Variants in ASPRV1 observed in about 807,000 individuals in gnomAD.
The protein encoded by ASPRV1 is retroviral-like aspartic protease 1.
Under a neutral mutation model 11.0 loss-of-function variants are expected in ASPRV1, and 7 were observed. The ratio of observed to expected loss-of-function variants is 0.64; its 90% CI spans 0.36 to 1.20. ASPRV1 has a LOEUF of 1.20. ASPRV1 is among the 50% of genes most tolerant of loss of function. The pLI is 0.02. For missense variants in ASPRV1, 299 were observed against 320.0 expected, an observed-to-expected ratio of 0.93 and a Z score of 0.50; for synonymous variants, 136 against 138.4, an observed-to-expected ratio of 0.98 and a Z score of 0.12.
chr2:69,949,848 C>T, the ASPRV1 span, among the ~76,000 whole-genome samples: 2 of 152,208 alleles, frequency 1.3e-5, no homozygotes, highest in South Asian at 2.1e-4. Flanking sequence ...CAGAGTCTCA[C>T]TCTTTCGTCC....
At chr2:69,967,169 C>T in the ASPRV1 span, among the ~76,000 whole-genome samples, 1 of 152,326 alleles carries the variant, frequency 6.6e-6, no homozygotes, top group Admixed American at 6.5e-5. Flanking sequence ...GAGGCCAACA[C>T]CGCCTCACTT....
At chr2:69,947,574 AT>A in the ASPRV1 span, among the ~76,000 whole-genome samples, 1 of 152,054 alleles carries the variant, frequency 6.6e-6, no homozygotes, top group Non-Finnish European at 1.5e-5. Flanking sequence ...CTATTTTAGT[AT>A]TTGTAATTTT....
chr2:70,035,082 G>C, the ASPRV1 span: 1 of 152,276 alleles, frequency 6.6e-6, no homozygotes, highest in Non-Finnish European at 1.5e-5. Context: ...TGCCAGAGAA[G>C]TTCCGGATTT....
chr2:70,009,224 C>T, the ASPRV1 span, among the ~76,000 whole-genome samples: 1 of 152,058 alleles, frequency 6.6e-6, no homozygotes, highest in Non-Finnish European at 1.5e-5. Context: ...GCAAGAAGAG[C>T]ATTTATATAC....
the ASPRV1 span, among the ~76,000 whole-genome samples, chr2:70,058,551 ATTTTT>A: frequency 2.9e-5 from 4 of 138,712 alleles, no homozygotes; most frequent in African/African-American, 1.1e-4. Flanking sequence ...CTCTGAAGAA[ATTTTT>A]TTTTTTTTTT....
At chr2:69,974,527 G>A in the ASPRV1 span, among the ~76,000 whole-genome samples, 2 of 152,180 alleles carry the variant, frequency 1.3e-5, no homozygotes, top group Admixed American at 6.5e-5. Context: ...GGTATGATCT[G>A]AGCACACCTG....
the ASPRV1 span, chr2:70,087,062 G>T: frequency 2.2e-5 from 3 of 135,494 alleles, no homozygotes; most frequent in Non-Finnish European, 4.6e-5. Flanking sequence ...TCGCGCACGC[G>T]CTCTGGTCAC....
chr2:69,944,372 A>T, the ASPRV1 span, among the ~76,000 whole-genome samples: 1 of 152,236 alleles, frequency 6.6e-6, no homozygotes, highest in African/African-American at 2.4e-5. Flanking sequence ...GGGTCAGCCC[A>T]CATTTACTGA....
downstream of ASPRV1, among the ~76,000 whole-genome samples, chr2:69,955,499 G>A (rs1028619676): frequency 6.6e-6 from 1 of 152,212 alleles, no homozygotes; most frequent in African/African-American, 2.4e-5. Context: ...ATGAGTGGGC[G>A]CTCCTAAGCT....
At chr2:69,938,340 G>A in the ASPRV1 span, 1 of 1,571,752 alleles carries the variant, frequency 6.4e-7, no homozygotes, top group Non-Finnish European at 8.7e-7. Flanking sequence ...TTCTGATTAG[G>A]TAACGTATTG....
chr2:70,066,687 T>G, the ASPRV1 span, among the ~76,000 whole-genome samples: 1 of 152,128 alleles, frequency 6.6e-6, no homozygotes, highest in South Asian at 2.1e-4. Context: ...AGCTTCAACC[T>G]CCCAAGCTCA....
downstream of ASPRV1, among the ~76,000 whole-genome samples, chr2:69,955,833 G>A (rs915427216): frequency 6.6e-6 from 1 of 152,178 alleles, no homozygotes; most frequent in African/African-American, 2.4e-5. Flanking sequence ...ACTCATAATA[G>A]AGAGAGGGAG....
At chr2:69,950,976 GA>G in the ASPRV1 span, among the ~76,000 whole-genome samples, 2 of 151,350 alleles carry the variant, frequency 1.3e-5, no homozygotes, top group South Asian at 4.2e-4. Flanking sequence ...TTGTTAAAAG[GA>G]AAGAAAGAAA....
At chr2:70,000,225 G>A in the ASPRV1 span, among the ~76,000 whole-genome samples, 1 of 150,792 alleles carries the variant, frequency 6.6e-6, no homozygotes, top group Admixed American at 6.6e-5. Context: ...GCTCACACCT[G>A]TAATCCCAGC....
chr2:70,022,709 A>T, the ASPRV1 span, among the ~76,000 whole-genome samples: 2 of 151,970 alleles, frequency 1.3e-5, no homozygotes, highest in African/African-American at 2.4e-5. Flanking sequence ...TAACACAAGC[A>T]AATTTTTGGA....
chr2:69,945,110 CG>C, the ASPRV1 span, among the ~76,000 whole-genome samples: 1 of 152,066 alleles, frequency 6.6e-6, no homozygotes, highest in Admixed American at 6.5e-5. Context: ...ATAAAGGACA[CG>C]TAGGCCTGTC....
At chr2:70,052,101 A>C in the ASPRV1 span, among the ~76,000 whole-genome samples, 6 of 152,306 alleles carry the variant, frequency 3.9e-5, no homozygotes, top group Admixed American at 2.0e-4. Context: ...AATGGAGGGA[A>C]GTTAGGCAAT....
At chr2:70,023,229 A>G in the ASPRV1 span, among the ~76,000 whole-genome samples, 1 of 152,198 alleles carries the variant, frequency 6.6e-6, no homozygotes, top group African/African-American at 2.4e-5. Flanking sequence ...CGAGGGCCTG[A>G]GCAGGAGTTC....
chr2:70,055,171 C>T, the ASPRV1 span, among the ~76,000 whole-genome samples: 7 of 152,078 alleles, frequency 4.6e-5, no homozygotes, highest in African/African-American at 1.2e-4. Flanking sequence ...GGCGTGGTGG[C>T]GCACGCCTGT....
Sources: gnomAD v4.1 joint callset for allele counts (sites outside exome capture counted in the v4.1 genomes callset) on GRCh38, gnomAD v4.1.1 for gene constraint, MANE v1.5 for transcripts, NCBI Gene and HGNC (gene_info 2026-07-23, HGNC 2026-07-21) for gene names.